The following RNF2 variants were observed in gnomAD, a reference collection of about 807,000 sequenced individuals.
RNF2 encodes ring finger protein 2, also known as E3 ubiquitin-protein ligase RING2.
Under a neutral mutation model 37.2 loss-of-function variants are expected in RNF2, and 6 were observed. That is an observed-to-expected ratio of 0.16 (90% CI 0.09 to 0.32). The LOEUF is 0.32. RNF2 is among the 10% of genes least tolerant of loss of function. RNF2 has a pLI of 1.00. For missense variants in RNF2, 251 were observed against 404.0 expected (o/e 0.62, Z 3.25); for synonymous variants, 133 against 132.7 (o/e 1.00, Z -0.02).
chr1:185,058,727 A>G (rs1373219889), intron 1 of RNF2, among the ~76,000 whole-genome samples: 2 of 152,232 alleles, frequency 1.3e-5, no homozygotes, highest in African/African-American at 4.8e-5. Context: ...AGATTATCAA[A>G]GTCTAGTTGC....
intron 2 of RNF2, among the ~76,000 whole-genome samples, chr1:185,090,937 T>C (rs901973645): frequency 3.9e-5 from 6 of 152,242 alleles, no homozygotes; most frequent in Admixed American, 2.0e-4. Context: ...TTTTATACTT[T>C]GGATATATTC....
chr1:185,091,799 G>C (rs936832087), intron 3 of RNF2, 60 bp downstream of exon 3: 74 of 1,457,374 alleles, frequency 5.1e-5, no homozygotes, highest in Non-Finnish European at 6.9e-5. Context: ...TGCTTTCCAG[G>C]GTTTGAGAAA....
Position 185,100,309 on chromosome 1 carries a change from A to G in RNF2, c.*8A>G, listed in dbSNP as rs756107760. On this transcript the variant is annotated 3_prime_UTR_variant, in exon 7 of 7. Coordinates refer to ENST00000367510, the MANE Select transcript of RNF2 (RefSeq NM_007212.4). The stretch of plus-strand genomic sequence containing the variant: ...ACAAAGGAGCACAAATGAGCCTTTA[A>G]AAACCAATTCTGAGACTGAACTTTT... 1 of 1,586,126 alleles carries G rather than the reference A, an allele frequency of 6.3e-7. No homozygotes were observed. The highest frequency in any genetic ancestry group is 1.2e-5 in the South Asian group (1 of 85,746).
intron 4 of RNF2, among the ~76,000 whole-genome samples, chr1:185,094,725 A>G (rs1234008557): frequency 2.0e-5 from 3 of 152,182 alleles, no homozygotes; most frequent in African/African-American, 7.2e-5. Flanking sequence ...CAGGCTAAAA[A>G]CTAAAAGACT....
chr1:185,094,487 G>A (rs545424719), intron 4 of RNF2, among the ~76,000 whole-genome samples: 4 of 151,872 alleles, frequency 2.6e-5, no homozygotes, highest in Admixed American at 1.3e-4. Context: ...ATTCCAGTCC[G>A]TAAATAAACA....
At position 185,100,887 on chromosome 1, in the gene RNF2, C is replaced by T. The variant is rs1360187189; in HGVS notation, c.*586C>T. The T allele has an allele frequency of 1.3e-5, 2 of 152,154 alleles. No homozygotes were observed. The highest frequency in any genetic ancestry group is 2.9e-5 in the Non-Finnish European group (2 of 67,908). 9.4% of individuals were successfully genotyped at this position (152,154 alleles called of 1,614,324 possible). On this transcript the variant is annotated 3_prime_UTR_variant, in exon 7 of 7. Transcript: ENST00000367510. ...AAGAAGTTCTTTATGAACTTAGTGT[C>T]CATTGTCATGCAATGTTTTTTTTTT...
chr1:185,048,674 G>A (rs1442241060), intron 1 of RNF2, among the ~76,000 whole-genome samples: 1 of 152,076 alleles, frequency 6.6e-6, no homozygotes, highest in African/African-American at 2.4e-5. Context: ...TCTTCTGCAA[G>A]GGGGATTTCT....
chr1:185,078,492 C>G (rs1233123833), intron 1 of RNF2, among the ~76,000 whole-genome samples: 1 of 152,120 alleles, frequency 6.6e-6, no homozygotes, highest in Non-Finnish European at 1.5e-5. Context: ...CATGGCTCCT[C>G]TTCTCCCCCT....
At chr1:185,065,028 C>G (rs563042101) in intron 1 of RNF2, among the ~76,000 whole-genome samples, 18 of 152,266 alleles carry the variant, frequency 1.2e-4, no homozygotes, top group African/African-American at 4.1e-4. Flanking sequence ...ATGAAGCCAG[C>G]TGGACTTCTG....
chr1:185,050,354 CT>C (rs1365490197), intron 1 of RNF2, among the ~76,000 whole-genome samples: 1 of 152,236 alleles, frequency 6.6e-6, no homozygotes, highest in Admixed American at 6.5e-5. Flanking sequence ...TCTTCTCTGC[CT>C]ACCTAACTTT....
chr1:185,082,359 TTTTTTTTTG>T (rs1651448105), intron 1 of RNF2, among the ~76,000 whole-genome samples: 1 of 136,722 alleles, frequency 7.3e-6, no homozygotes, highest in Non-Finnish European at 1.6e-5. Flanking sequence ...TTTTTTTTTT[TTTTTTTTTG>T]AAGACAGAGT....
In RNF2 at chr1:185,100,783, C is replaced by T. The variant is rs918470281; in HGVS notation, c.*482C>T. ...AGTATCTTCATGAAGACCCAAGGCT[C>T]AAATTTACTGTCCTTAAAAACAATT... On this transcript the variant is annotated 3_prime_UTR_variant, in exon 7 of 7. Coordinates refer to ENST00000367510, the MANE Select transcript of RNF2 (RefSeq NM_007212.4). 2.0e-5 allele frequency: 3 copies of T among 152,296 alleles called. No homozygotes were observed. Among genetic ancestry groups the T allele is most frequent in the African/African-American group, 7.2e-5 (3 of 41,382 alleles). 9.4% of individuals were successfully genotyped at this position (152,296 alleles called of 1,614,324 possible).
At chr1:185,057,663 CT>C (rs1186166966) in intron 1 of RNF2, among the ~76,000 whole-genome samples, 4 of 152,060 alleles carry the variant, frequency 2.6e-5, no homozygotes, top group Admixed American at 1.3e-4. Context: ...CTTGAGAATT[CT>C]TTTTTAGGTA....
At chr1:185,053,149 T>C (rs1650317798) in intron 1 of RNF2, among the ~76,000 whole-genome samples, 1 of 152,138 alleles carries the variant, frequency 6.6e-6, no homozygotes, top group South Asian at 2.1e-4. Context: ...CTCTAGGAAC[T>C]CTCCAGGTTT....
At chr1:185,060,197 T>C (rs1394222345) in intron 1 of RNF2, among the ~76,000 whole-genome samples, 1 of 152,242 alleles carries the variant, frequency 6.6e-6, no homozygotes, top group African/African-American at 2.4e-5. Flanking sequence ...TGGTTTGTCT[T>C]TAATTCAGAT....
intron 1 of RNF2, among the ~76,000 whole-genome samples, chr1:185,079,055 C>T (rs971970553): frequency 2.0e-5 from 3 of 149,484 alleles, no homozygotes; most frequent in Non-Finnish European, 3.0e-5. Context: ...CCAGCTTTCA[C>T]GGTCTACTAT....
chr1:185,102,576 T>TA lies in RNF2; in HGVS notation c.*2278dup, dbSNP rs767794078. Reference sequence around the variant, plus strand: ...CCCAAACAGAAACTCTGTGTGCAATTAAAGTAATGCATTTCTCTTCTTCTT... The same window carrying TA: ...CCCAAACAGAAACTCTGTGTGCAATTAAAAGTAATGCATTTCTCTTCTTCTT... On this transcript the variant is annotated 3_prime_UTR_variant, in exon 7 of 7. Coordinates refer to ENST00000367510, the MANE Select transcript of RNF2 (RefSeq NM_007212.4). 2.0e-5 allele frequency: 3 copies of TA among 152,194 alleles called. No individual in the cohort carries two copies. Among genetic ancestry groups the TA allele is most frequent in the Non-Finnish European group, 4.4e-5 (3 of 68,024 alleles). The allele number at this position is 152,194 out of a possible 1,614,324, so 9.4% of individuals were successfully genotyped here.
intron 1 of RNF2, among the ~76,000 whole-genome samples, chr1:185,048,256 A>T (rs1650173419): frequency 6.6e-6 from 1 of 152,146 alleles, no homozygotes; most frequent in Non-Finnish European, 1.5e-5. Flanking sequence ...GGTGTGACCC[A>T]TTATCCAGTT....
At chr1:185,067,913 G>T (rs534317474) in intron 1 of RNF2, among the ~76,000 whole-genome samples, 5 of 151,364 alleles carry the variant, frequency 3.3e-5, no homozygotes, top group African/African-American at 1.2e-4. Flanking sequence ...GTTTCACCGT[G>T]TTGGCCAGGA....
Sources: gnomAD v4.1 joint callset for allele counts (sites outside exome capture counted in the v4.1 genomes callset) on GRCh38, gnomAD v4.1.1 for gene constraint, MANE v1.5 for transcripts, NCBI Gene and HGNC (gene_info 2026-07-23, HGNC 2026-07-21) for gene names.